The following TMEM53 variants were observed in gnomAD, a reference collection of about 807,000 sequenced individuals.
The protein encoded by TMEM53 is transmembrane protein 53.
In TMEM53, 14 loss-of-function variants were observed where a neutral mutation model predicts 21.4. That is an observed-to-expected ratio of 0.65 (90% CI 0.43 to 1.02). TMEM53 has a LOEUF of 1.02. Ranked by LOEUF, TMEM53 falls within the 50% of genes least tolerant of loss-of-function variation. The probability of loss-of-function intolerance (pLI) is 0.00; values close to 1 mark genes in which losing one functional copy is unlikely to be tolerated. For synonymous variants in TMEM53, 148 were observed against 157.4 expected, an observed-to-expected ratio of 0.94 and a Z score of 0.45; for missense variants, 323 against 383.6, an observed-to-expected ratio of 0.84 and a Z score of 1.32.
chr1:44,669,668 C>T (rs1000303027), intron 1 of TMEM53, among the ~76,000 whole-genome samples: 5 of 152,104 alleles, frequency 3.3e-5, no homozygotes, highest in African/African-American at 1.2e-4. Context: ...GTGGATAGAA[C>T]ATGGTTAACA....
rs1415349235 is a variant in TMEM53 at position 44,653,668 on chromosome 1, G to A, written c.*891C>T. 6.6e-6 allele frequency: 1 copy of A among 152,294 alleles called. No individual in the cohort carries two copies. The highest frequency in any genetic ancestry group is 1.9e-4 in the East Asian group (1 of 5,202). The allele number at this position is 152,294 out of a possible 1,614,324, so 9.4% of individuals were successfully genotyped here. On this transcript the variant is annotated 3_prime_UTR_variant, in exon 3 of 3. Coordinates refer to ENST00000372237, the MANE Select transcript of TMEM53 (RefSeq NM_024587.4). Reference sequence around the variant, plus strand: ...GGAGCCTCTCTGAGTGAACTGCCAAGTGGGAGCCATGTGAATGGTACTTTA... The same window carrying A: ...GGAGCCTCTCTGAGTGAACTGCCAAATGGGAGCCATGTGAATGGTACTTTA...
At chr1:44,664,490 A>C (rs1464161683) in intron 1 of TMEM53, among the ~76,000 whole-genome samples, 1 of 152,114 alleles carries the variant, frequency 6.6e-6, no homozygotes, top group Non-Finnish European at 1.5e-5. Flanking sequence ...CTTATGAGCA[A>C]GAATTCTCAT....
chr1:44,655,340 G>T lies in TMEM53; in HGVS notation c.184-131C>A. ...GGGCCCACAGCGTCAGCAATGCTCT[G>T]GGTCCTGCTTCAGCCTGAGCCCACC... On this transcript the variant is annotated intron_variant, in intron 2 of 2. Transcript: ENST00000372237. The surrounding 1 kb of genome is among the most constrained non-coding windows in gnomAD (Gnocchi z 4.4). 1.1e-6 allele frequency: 1 copy of T among 935,148 alleles called. No individual in the cohort carries two copies. The allele number at this position is 935,148 out of a possible 1,614,324, so 57.9% of individuals were successfully genotyped here.
chr1:44,660,385 G>T, intron 1 of TMEM53, 90 bp from the exon 2 acceptor site: 1 of 1,506,930 alleles, frequency 6.6e-7, no homozygotes, highest in Non-Finnish European at 8.9e-7. Flanking sequence ...TCCGGCTGCT[G>T]CAGGCAGGGA....
rs780822532 is a variant in TMEM53 at position 44,654,912 on chromosome 1, T to C, written c.481A>G (p.Ile161Val). The change falls in exon 3 of 3, where the codon ATC becomes GTC. Residue 161 changes from isoleucine (I) to valine (V), a missense_variant. Physicochemically the swap from Ile to Val is conservative, Grantham distance 29. Coordinates refer to ENST00000372237, the MANE Select transcript of TMEM53 (RefSeq NM_024587.4). The surrounding 1 kb of genome is among the most constrained non-coding windows in gnomAD (Gnocchi z 7.0). Reference sequence around the variant, plus strand: ...AGCATGGCGGCCCGGCGCTCCAGGATGGCTGCCAGGGCCCGCAGAGCCCCT... The same window carrying C: ...AGCATGGCGGCCCGGCGCTCCAGGACGGCTGCCAGGGCCCGCAGAGCCCCT... ...LVGALRALAA[I>V]LERRAAMLRL... 6.2e-7 allele frequency: 1 copy of C among 1,613,028 alleles called. No individual in the cohort carries two copies. The highest frequency in any genetic ancestry group is 8.5e-7 in the Non-Finnish European group (1 of 1,179,728).
At position 44,654,765 on chromosome 1, in the gene TMEM53, A is replaced by T. The variant is rs140168322; in HGVS notation, c.628T>A (p.Trp210Arg). ...CTCGAGTAGAGGTAGAGCTCGGGCC[A>T]GCGAGAGCCCGCGTCCTGTAGCCTG... ...YDRLQDAGSRWPELYLYSRAD... is the reference protein window; with the variant it reads ...YDRLQDAGSRRPELYLYSRAD... Residue 210 changes from tryptophan (W) to arginine (R), a missense_variant, in exon 3 of 3, where the codon TGG becomes AGG. Coordinates refer to ENST00000372237, the MANE Select transcript of TMEM53 (RefSeq NM_024587.4). The surrounding 1 kb of genome is among the most constrained non-coding windows in gnomAD (Gnocchi z 7.0). The T allele has an allele frequency of 6.2e-7, 1 of 1,613,894 alleles. No individual in the cohort carries two copies. The highest frequency in any genetic ancestry group is 1.3e-5 in the African/African-American group (1 of 74,882).
Position 44,654,518 on chromosome 1 carries a change from G to C in TMEM53, c.*41C>G. Reference sequence around the variant, plus strand: ...GATTGCAGGTTGTGGGGAGGTGTCAGGCATTTATTTCTGGAGCAGAGGTGA... The same window carrying C: ...GATTGCAGGTTGTGGGGAGGTGTCACGCATTTATTTCTGGAGCAGAGGTGA... On this transcript the variant is annotated 3_prime_UTR_variant, in exon 3 of 3. Transcript: ENST00000372237. This position sits in a 1 kb window ranked among gnomAD's most constrained non-coding sequence, Gnocchi z 7.0. The C allele has an allele frequency of 6.3e-7, 1 of 1,576,420 alleles. No homozygotes were observed. Among genetic ancestry groups the C allele is most frequent in the Non-Finnish European group, 8.6e-7 (1 of 1,157,012 alleles).
Position 44,653,508 on chromosome 1 carries a change from T to G in TMEM53, c.*1051A>C, listed in dbSNP as rs2148526854. On this transcript the variant is annotated 3_prime_UTR_variant, in exon 3 of 3. Coordinates refer to ENST00000372237, the MANE Select transcript of TMEM53 (RefSeq NM_024587.4). Reference sequence around the variant, plus strand: ...ATGCTGCTGCCTTCCTGCCCCCCACTGTCTCTGGCAACTTTCAGCTTGCAA... The same window carrying G: ...ATGCTGCTGCCTTCCTGCCCCCCACGGTCTCTGGCAACTTTCAGCTTGCAA... 1 of 152,388 alleles carries G rather than the reference T, an allele frequency of 6.6e-6. No homozygotes were observed. The highest frequency in any genetic ancestry group is 2.1e-4 in the South Asian group (1 of 4,828). The allele number at this position is 152,388 out of a possible 1,614,324, so 9.4% of individuals were successfully genotyped here.
chr1:44,654,951 C>T lies in TMEM53; in HGVS notation c.442G>A (p.Asp148Asn). 6.2e-7 allele frequency: 1 copy of T among 1,613,874 alleles called. No individual in the cohort carries two copies. Among genetic ancestry groups the T allele is most frequent in the Non-Finnish European group, 8.5e-7 (1 of 1,179,930 alleles). ...VGTIFDSAPG[D>N]SNLVGALRAL... Reference sequence around the variant, plus strand: ...CGCAGAGCCCCTACCAGGTTGCTGTCACCAGGAGCGCTGTCAAAGATGGTG... The same window carrying T: ...CGCAGAGCCCCTACCAGGTTGCTGTTACCAGGAGCGCTGTCAAAGATGGTG... Residue 148 changes from aspartate (D) to asparagine (N), a missense_variant, in exon 3 of 3, where the codon GAC becomes AAC. Asp to Asn is a conservative substitution (Grantham distance 23). Coordinates refer to ENST00000372237, the MANE Select transcript of TMEM53 (RefSeq NM_024587.4). This position sits in a 1 kb window ranked among gnomAD's most constrained non-coding sequence, Gnocchi z 7.0.
chr1:44,656,823 C>A (rs1644854298), intron 2 of TMEM53, among the ~76,000 whole-genome samples: 1 of 152,082 alleles, frequency 6.6e-6, no homozygotes, highest in South Asian at 2.1e-4. Context: ...ACCAGCCTCA[C>A]CAACATGATG....
chr1:44,671,790 A>G (rs993670907), intron 1 of TMEM53, among the ~76,000 whole-genome samples: 9 of 152,300 alleles, frequency 5.9e-5, no homozygotes, highest in South Asian at 2.1e-4. Context: ...TTAGCCAGGC[A>G]TGGTGGCGGG....
At chr1:44,670,084 C>T (rs1004721031) in intron 1 of TMEM53, among the ~76,000 whole-genome samples, 4 of 149,822 alleles carry the variant, frequency 2.7e-5, no homozygotes, top group African/African-American at 9.9e-5. Flanking sequence ...AGGTGTGACC[C>T]ACCACGCCCA....
At chr1:44,663,279 C>T (rs1053832687) in intron 1 of TMEM53, among the ~76,000 whole-genome samples, 1 of 152,066 alleles carries the variant, frequency 6.6e-6, no homozygotes. Context: ...TTCACTTTTT[C>T]GCCCAGGCTG....
rs778915102 is a variant in TMEM53, at chr1:44,654,805, G to A, written c.588C>T (p.His196=). ...VLLAPITALF[H]THFYDRLQDA... The stretch of plus-strand genomic sequence containing the variant: ...CCTGTAGCCTGTCATAGAAGTGGGT[G>A]TGGAAGAGGGCTGTGATGGGAGCAA... The change falls in exon 3 of 3, where the codon CAC becomes CAT. Residue 196 remains histidine, a synonymous_variant. Coordinates refer to ENST00000372237, the MANE Select transcript of TMEM53 (RefSeq NM_024587.4). The surrounding 1 kb of genome is among the most constrained non-coding windows in gnomAD (Gnocchi z 7.0). 1 of 1,613,852 alleles carries A rather than the reference G, an allele frequency of 6.2e-7. No individual in the cohort carries two copies. Among genetic ancestry groups the A allele is most frequent in the African/African-American group, 1.3e-5 (1 of 75,068 alleles).
rs1347430489 is a variant in TMEM53, at chr1:44,674,398, G to A, written c.-7C>T. The A allele has an allele frequency of 1.2e-6, 2 of 1,610,476 alleles. No homozygotes were observed. The highest frequency in any genetic ancestry group is 8.5e-7 in the Non-Finnish European group (1 of 1,178,186). ...CCAGCTCTGCCGAGGCCATGGTGAAGGCGCCGGCCCAGAGCACGGGTCTCC... is the reference window on the plus strand; with the variant it reads ...CCAGCTCTGCCGAGGCCATGGTGAAAGCGCCGGCCCAGAGCACGGGTCTCC... On this transcript the variant is annotated 5_prime_UTR_variant, in exon 1 of 3. Coordinates refer to ENST00000372237, the MANE Select transcript of TMEM53 (RefSeq NM_024587.4).
intron 1 of TMEM53, chr1:44,673,733 A>G: frequency 1.6e-6 from 1 of 619,720 alleles, no homozygotes; most frequent in African/African-American, 2.0e-5. Context: ...GGTTTTGCAG[A>G]GGAGGAAACT....
At chr1:44,669,127 A>G (rs1295509359) in intron 1 of TMEM53, among the ~76,000 whole-genome samples, 1 of 152,256 alleles carries the variant, frequency 6.6e-6, no homozygotes, top group Non-Finnish European at 1.5e-5. Flanking sequence ...ATTACTTCAC[A>G]AGTAATGCAT....
Position 44,660,440 on chromosome 1 carries a change from A to C in TMEM53, c.62-145T>G, listed in dbSNP as rs1286845685. 1.3e-5 allele frequency: 15 copies of C among 1,199,514 alleles called. No individual in the cohort carries two copies. The Middle Eastern group carries it at 1.5e-3, about 117-fold the overall frequency. The allele number at this position is 1,199,514 out of a possible 1,614,324, so 74.3% of individuals were successfully genotyped here. A position where few individuals can be genotyped will look rare whatever the true frequency, so the allele number is the denominator to read the frequency against. On this transcript the variant is annotated intron_variant, in intron 1 of 2. Transcript: ENST00000372237. ...GGCATCCTGCCAGCACGCATGCACCAGTTCCCACCCCGTGCTGCTCCAGCT... is the reference window on the plus strand; with the variant it reads ...GGCATCCTGCCAGCACGCATGCACCCGTTCCCACCCCGTGCTGCTCCAGCT...
intron 1 of TMEM53, among the ~76,000 whole-genome samples, chr1:44,672,501 A>G (rs902276338): frequency 1.3e-5 from 2 of 152,232 alleles, no homozygotes; most frequent in Non-Finnish European, 2.9e-5. Flanking sequence ...GAGAGCGGAA[A>G]TTACAGGAAG....
Sources: gnomAD v4.1 joint callset for allele counts (sites outside exome capture counted in the v4.1 genomes callset) on GRCh38, gnomAD v4.1.1 for gene constraint, Gnocchi (gnomAD v3.1) non-coding constraint, MANE v1.5 for transcripts, NCBI Gene and HGNC (gene_info 2026-07-23, HGNC 2026-07-21) for gene names.